The following PNPLA8 variants were observed in gnomAD, a reference collection of about 807,000 sequenced individuals.
PNPLA8 encodes the protein calcium-independent phospholipase A2-gamma.
Under a neutral mutation model 76.9 loss-of-function variants are expected in PNPLA8, and 39 were observed. The observed-to-expected ratio is 0.51, with a 90% confidence interval of 0.39 to 0.66. PNPLA8 has a LOEUF of 0.66. Ranked by LOEUF, PNPLA8 falls within the 30% of genes least tolerant of loss-of-function variation. The pLI is 0.00. For missense variants in PNPLA8, 887 were observed against 918.0 expected (o/e 0.97, Z 0.44); for synonymous variants, 301 against 307.9 (o/e 0.98, Z 0.24).
intron 1 of PNPLA8, among the ~76,000 whole-genome samples, 185 bp downstream of exon 1, chr7:108,525,844 A>G (rs910434486): frequency 2.6e-5 from 4 of 152,180 alleles, no homozygotes; most frequent in African/African-American, 7.2e-5. Flanking sequence ...CCGAGTACCA[A>G]TGAGCTCCAG....
Position 108,487,901 on chromosome 7 carries a change from A to G in PNPLA8, c.1736T>C (p.Val579Ala). ...AGGAAAATGACCATAGTTTCTGAAC[A>G]CAAAAGCTTTGGGTGTTATCCCTCT... ...VNRGITPKAF[V>A]FRNYGHFPGI... The change falls in exon 9 of 11, where the codon GTG becomes GCG. Residue 579 changes from valine to alanine, a missense_variant. Transcript: ENST00000257694. The G allele has an allele frequency of 2.5e-6, 4 of 1,613,564 alleles. No individual in the cohort carries two copies. The highest frequency in any genetic ancestry group is 3.4e-6 in the Non-Finnish European group (4 of 1,179,530).
chr7:108,505,332 ATATATATATATATATATATATTTTTTTTT>A (rs1862304388), intron 4 of PNPLA8, among the ~76,000 whole-genome samples: 5 of 5,472 alleles, frequency 9.1e-4, no homozygotes, highest in African/African-American at 3.7e-3. Flanking sequence ...ATATATATAT[ATATATATATATATATATATATTTTTTTTT>A]TTTTTTTTTT....
intron 9 of PNPLA8, among the ~76,000 whole-genome samples, chr7:108,487,149 G>C (rs1860793964): frequency 6.6e-6 from 1 of 152,066 alleles, no homozygotes; most frequent in South Asian, 2.1e-4. Flanking sequence ...GTGTACACAT[G>C]AATTTAAAAG....
chr7:108,490,706 C>A (rs1398675279), intron 8 of PNPLA8, among the ~76,000 whole-genome samples: 4 of 151,694 alleles, frequency 2.6e-5, no homozygotes, highest in African/African-American at 7.3e-5. Flanking sequence ...ATGGCGTGAG[C>A]CCGGGAGGCG....
At chr7:108,476,998 G>A (rs1364892972) in intron 10 of PNPLA8, among the ~76,000 whole-genome samples, 3 of 152,176 alleles carry the variant, frequency 2.0e-5, no homozygotes, top group African/African-American at 7.2e-5. Flanking sequence ...GGGAAATGGA[G>A]AGATGTTGGT....
intron 10 of PNPLA8, among the ~76,000 whole-genome samples, chr7:108,476,389 G>A (rs1221113815): frequency 6.6e-6 from 1 of 152,082 alleles, no homozygotes; most frequent in East Asian, 1.9e-4. Context: ...TTATGGTAAG[G>A]ATATTTTATT....
Position 108,502,568 on chromosome 7 carries a change from A to G in PNPLA8, c.1281T>C (p.Ile427=). The change falls in exon 5 of 11, where the codon ATT becomes ATC. Residue 427 remains isoleucine (I), a synonymous_variant. Transcript: ENST00000257694. ...DETLQAAVRE[I]LALIGYVDPV... ...GATCCACATAGCCAATTAGGGCCAA[A>G]ATTTCTCTAACTGCAGCCTGAAGAG... 1 of 1,612,930 alleles carries G rather than the reference A, an allele frequency of 6.2e-7. No individual in the cohort carries two copies.
intron 7 of PNPLA8, 93 bp from the exon 8 acceptor site, chr7:108,491,560 G>A (rs1336944292): frequency 2.4e-6 from 2 of 825,200 alleles, no homozygotes; most frequent in African/African-American, 1.7e-5. Flanking sequence ...ATTTGTCCAT[G>A]GCTTTGTCAA....
chr7:108,518,946 AGTGT>A (rs1362956880), intron 2 of PNPLA8, among the ~76,000 whole-genome samples: 1 of 151,728 alleles, frequency 6.6e-6, no homozygotes, highest in Non-Finnish European at 1.5e-5. Context: ...TTACTTTTCT[AGTGT>A]CTGAATTATT....
At chr7:108,510,210 T>G (rs1862804395) in intron 4 of PNPLA8, 3 of 1,030,082 alleles carry the variant, frequency 2.9e-6, no homozygotes, top group South Asian at 2.9e-5. Context: ...AACCGGTAAC[T>G]AGCTCTTTTT....
chr7:108,476,626 C>A (rs548449524), intron 10 of PNPLA8, among the ~76,000 whole-genome samples: 2 of 152,138 alleles, frequency 1.3e-5, no homozygotes, highest in Non-Finnish European at 2.9e-5. Flanking sequence ...TCCAGCAATC[C>A]CACTCCGGGT....
intron 4 of PNPLA8, among the ~76,000 whole-genome samples, chr7:108,509,693 C>T (rs1464438773): frequency 6.6e-6 from 1 of 151,824 alleles, no homozygotes; most frequent in Non-Finnish European, 1.5e-5. Flanking sequence ...ACCCATATGA[C>T]TATAAATCAT....
chr7:108,488,767 A>G (rs1191154785), intron 8 of PNPLA8, among the ~76,000 whole-genome samples: 1 of 152,212 alleles, frequency 6.6e-6, no homozygotes. Flanking sequence ...AAAAACTATA[A>G]TGTCAACCAT....
chr7:108,502,597 C>G lies in PNPLA8; in HGVS notation c.1252G>C (p.Glu418Gln). 1.9e-6 allele frequency: 3 copies of G among 1,611,708 alleles called. No individual in the cohort carries two copies. The highest frequency in any genetic ancestry group is 2.5e-6 in the Non-Finnish European group (3 of 1,177,912). ...TCTCTAACTGCAGCCTGAAGAGTTT[C>G]ATCCTTAATTTGTCTCAGTCGTAAT... ...YLLRLRQIKD[E>Q]TLQAAVREIL... is the part of the protein sequence containing the mutation. Residue 418 changes from glutamate (E) to glutamine (Q), a missense_variant, in exon 5 of 11, where the codon GAA becomes CAA. By Grantham distance (29) the Glu-to-Gln change is conservative. Transcript: ENST00000257694.
chr7:108,526,345 G>C (rs1244903919), upstream of PNPLA8: 2 of 90,554 alleles, frequency 2.2e-5, no homozygotes, highest in Non-Finnish European at 4.5e-5. Flanking sequence ...AGCCGCGACA[G>C]ACGTGTGTGC....
At chr7:108,472,842 G>A (rs1859719870) in intron 10 of PNPLA8, among the ~76,000 whole-genome samples, 167 bp from the exon 11 acceptor site, 1 of 151,838 alleles carries the variant, frequency 6.6e-6, no homozygotes. Flanking sequence ...CATAATAATG[G>A]GTAAAACTAT....
At chr7:108,488,958 G>T (rs1252503076) in intron 8 of PNPLA8, among the ~76,000 whole-genome samples, 1 of 152,222 alleles carries the variant, frequency 6.6e-6, no homozygotes, top group Non-Finnish European at 1.5e-5. Flanking sequence ...CCAAATTCCT[G>T]TGAGTAATCC....
At chr7:108,507,365 A>C (rs868009982) in intron 4 of PNPLA8, among the ~76,000 whole-genome samples, 135 of 150,178 alleles carry the variant, frequency 9.0e-4, no homozygotes, top group African/African-American at 2.8e-3. Flanking sequence ...AAAAAAAAAA[A>C]AGAAACAGGC....
intron 4 of PNPLA8, 93 bp downstream of exon 4, chr7:108,514,051 A>C: frequency 1.2e-6 from 1 of 853,738 alleles, no homozygotes; most frequent in Non-Finnish European, 1.9e-6. Context: ...CAAAATTCAA[A>C]TGGAAAAATG....
Sources: gnomAD v4.1 joint callset for allele counts (sites outside exome capture counted in the v4.1 genomes callset) on GRCh38, gnomAD v4.1.1 for gene constraint, MANE v1.5 for transcripts, NCBI Gene and HGNC (gene_info 2026-07-23, HGNC 2026-07-21) for gene names.